Variants in ARHGEF28 observed in about 807,000 individuals in gnomAD.
ARHGEF28 encodes the protein 190 kDa guanine nucleotide exchange factor.
ARHGEF28 carries 152 observed loss-of-function variants against 206.6 expected under a neutral mutation model. The observed-to-expected ratio is 0.74, with a 90% CI of 0.64 to 0.84. The LOEUF (loss-of-function observed/expected upper bound fraction) is 0.84, where lower values mean the gene tolerates loss of function less well. Among genes scored for constraint, ARHGEF28 ranks in the 40% least tolerant of loss-of-function variants. ARHGEF28 has a pLI of 0.00. For missense variants in ARHGEF28, 2,028 were observed against 2,073.2 expected (o/e 0.98, Z 0.42); for synonymous variants, 763 against 776.4 (o/e 0.98, Z 0.29).
At chr5:73,711,747 G>A (rs142296943) in intron 2 of ARHGEF28, among the ~76,000 whole-genome samples, 42 of 151,970 alleles carry the variant, frequency 2.8e-4, no homozygotes, top group Admixed American at 1.4e-3. Flanking sequence ...GATAATCTCT[G>A]TATTTTTTTT....
intron 22 of ARHGEF28, among the ~76,000 whole-genome samples, chr5:73,881,229 G>T (rs1229490777): frequency 6.6e-6 from 1 of 152,050 alleles, no homozygotes; most frequent in East Asian, 1.9e-4. Context: ...TTAGAAGAAT[G>T]AGTCCTTCCA....
At chr5:73,663,228 T>C (rs1334913670) in intron 1 of ARHGEF28, among the ~76,000 whole-genome samples, 2 of 152,314 alleles carry the variant, frequency 1.3e-5, no homozygotes, top group East Asian at 3.9e-4. Flanking sequence ...AGTGCTGGGA[T>C]TACAAGCATG....
At chr5:73,837,981 C>T (rs1369188852) in intron 10 of ARHGEF28, among the ~76,000 whole-genome samples, 2 of 152,160 alleles carry the variant, frequency 1.3e-5, no homozygotes, top group Non-Finnish European at 2.9e-5. Flanking sequence ...CTCAAATGAT[C>T]TGCCCACCTT....
At chr5:73,630,187 G>T (rs967822296) in intron 1 of ARHGEF28, among the ~76,000 whole-genome samples, 1 of 152,148 alleles carries the variant, frequency 6.6e-6, no homozygotes, top group African/African-American at 2.4e-5. Flanking sequence ...ATATATTAAT[G>T]ACATTTATGG....
At chr5:73,803,237 T>C (rs561544950) in intron 9 of ARHGEF28, 4 of 159,346 alleles carry the variant, frequency 2.5e-5, no homozygotes, top group Non-Finnish European at 5.9e-5. Flanking sequence ...ATACTTCTGA[T>C]TAGTTGTGCA....
chr5:73,739,197 TA>T (rs1751207854), intron 2 of ARHGEF28, among the ~76,000 whole-genome samples: 2 of 152,196 alleles, frequency 1.3e-5, no homozygotes, highest in Non-Finnish European at 2.9e-5. Context: ...TTTATTATTA[TA>T]AATGTGTTCT....
chr5:73,810,520 G>C (rs529995567), intron 9 of ARHGEF28, among the ~76,000 whole-genome samples: 3 of 152,010 alleles, frequency 2.0e-5, no homozygotes, highest in Admixed American at 2.0e-4. Flanking sequence ...TGGTAGTCAC[G>C]GGAGGAACAG....
chr5:73,752,451 C>T (rs1752066283), intron 3 of ARHGEF28, among the ~76,000 whole-genome samples: 1 of 152,096 alleles, frequency 6.6e-6, no homozygotes, highest in Admixed American at 6.5e-5. Context: ...CAAAGGAGCT[C>T]TATGGAATTA....
At chr5:73,820,268 T>C (rs190180857) in intron 9 of ARHGEF28, among the ~76,000 whole-genome samples, 163 of 152,332 alleles carry the variant, frequency 1.1e-3, no homozygotes, top group African/African-American at 3.8e-3. Flanking sequence ...ATAGTCATTT[T>C]TGGTGACTGA....
chr5:73,866,368 ACTTT>A (rs1162996468), intron 18 of ARHGEF28, among the ~76,000 whole-genome samples: 9 of 152,356 alleles, frequency 5.9e-5, no homozygotes, highest in African/African-American at 1.9e-4. Flanking sequence ...AATGTACCTT[ACTTT>A]GTTTTCCTAG....
chr5:73,940,345 A>G (rs574508035), intron 35 of ARHGEF28, among the ~76,000 whole-genome samples: 4 of 152,322 alleles, frequency 2.6e-5, no homozygotes, highest in Admixed American at 2.6e-4. Flanking sequence ...GATTAACAGC[A>G]TAATGGTGAG....
chr5:73,640,098 ATAGAG>A (rs1450518960), intron 1 of ARHGEF28, among the ~76,000 whole-genome samples: 2 of 152,194 alleles, frequency 1.3e-5, no homozygotes, highest in Non-Finnish European at 2.9e-5. Flanking sequence ...GACCACTAGA[ATAGAG>A]TAGAGGATGG....
At chr5:73,867,160 A>G (rs1010838235) in intron 18 of ARHGEF28, among the ~76,000 whole-genome samples, 3 of 152,212 alleles carry the variant, frequency 2.0e-5, no homozygotes, top group East Asian at 1.9e-4. Flanking sequence ...CATAAGAACA[A>G]ATTTAACTTA....
At chr5:73,836,502 T>C (rs1047446138) in intron 10 of ARHGEF28, among the ~76,000 whole-genome samples, 6 of 151,840 alleles carry the variant, frequency 4.0e-5, no homozygotes, top group African/African-American at 1.5e-4. Context: ...TATTTGTGGG[T>C]TTGTTTGTTT....
intron 7 of ARHGEF28, among the ~76,000 whole-genome samples, chr5:73,793,237 A>G (rs1754590129): frequency 6.6e-6 from 1 of 152,236 alleles, no homozygotes; most frequent in Non-Finnish European, 1.5e-5. Flanking sequence ...ACACAAGACA[A>G]GGATTGTTGG....
In ARHGEF28 at chr5:73,867,899, C is replaced by T. The variant is rs1561469545; in HGVS notation, c.2176C>T (p.Gln726Ter). The T allele has an allele frequency of 6.2e-7, 1 of 1,614,016 alleles. No homozygotes were observed. The highest frequency in any genetic ancestry group is 1.7e-5 in the Admixed American group (1 of 60,022). Residue 726 changes from glutamine (Q) to a stop codon, truncating the protein, a stop_gained, in exon 19 of 36, where the codon CAG becomes TAG. Transcript: ENST00000513042. LOFTEE classifies it high-confidence loss of function. ...LGNSSFRDIP[Q>*]PGLSLHPSSS... is the part of the protein sequence containing the mutation. The stretch of plus-strand genomic sequence containing the variant: ...AGATTCTTCATTTAGAGACATCCCA[C>T]AGCCTGGTCTCTCCTTGCACCCTTC...
intron 4 of ARHGEF28, among the ~76,000 whole-genome samples, chr5:73,773,152 G>A (rs1753316634): frequency 6.6e-6 from 1 of 152,116 alleles, no homozygotes. Context: ...ATACCTCAAG[G>A]ACCCCTCCGC....
intron 1 of ARHGEF28, among the ~76,000 whole-genome samples, chr5:73,640,411 C>T (rs1008296498): frequency 2.0e-5 from 3 of 152,114 alleles, no homozygotes; most frequent in Non-Finnish European, 2.9e-5. Context: ...ACCAGTTTGG[C>T]AGAGATATGA....
intron 16 of ARHGEF28, among the ~76,000 whole-genome samples, chr5:73,859,259 T>G (rs1424555890): frequency 6.6e-6 from 1 of 152,226 alleles, no homozygotes; most frequent in Non-Finnish European, 1.5e-5. Context: ...AAGTATTTGT[T>G]GAATGAAAGA....
Sources: gnomAD v4.1 joint callset for allele counts (sites outside exome capture counted in the v4.1 genomes callset) on GRCh38, gnomAD v4.1.1 for gene constraint, MANE v1.5 for transcripts, NCBI Gene and HGNC (gene_info 2026-07-23, HGNC 2026-07-21) for gene names.